STK39: variants seen among roughly 807,000 people sequenced by gnomAD.
The protein encoded by STK39 is STE20/SPS1-related proline-alanine-rich protein kinase.
In STK39, 20 loss-of-function variants were observed where a neutral mutation model predicts 77.8. The ratio of observed to expected loss-of-function variants is 0.26; its 90% CI spans 0.18 to 0.37. The LOEUF (loss-of-function observed/expected upper bound fraction) is 0.37. STK39 is among the 10% of genes least tolerant of loss of function. The pLI, the probability that STK39 is intolerant of heterozygous loss-of-function variation, is 1.00. For missense variants in STK39, 479 were observed against 656.5 expected (o/e 0.73, Z 2.95); for synonymous variants, 246 against 234.1 (o/e 1.05, Z -0.47).
chr2:168,246,465 C>T (rs1306615994), intron 1 of STK39, among the ~76,000 whole-genome samples: 1 of 152,248 alleles, frequency 6.6e-6, no homozygotes, highest in Non-Finnish European at 1.5e-5. Flanking sequence ...TTCACTCTTG[C>T]AGCTCGGCCT....
chr2:168,228,878 G>T (rs896914855), intron 1 of STK39, among the ~76,000 whole-genome samples: 6 of 152,048 alleles, frequency 3.9e-5, no homozygotes, highest in African/African-American at 7.2e-5. Context: ...CCTTACATGA[G>T]AAAGGAACTC....
At chr2:167,971,995 C>T (rs1274874807) in intron 16 of STK39, among the ~76,000 whole-genome samples, 1 of 152,234 alleles carries the variant, frequency 6.6e-6, no homozygotes, top group African/African-American at 2.4e-5. Flanking sequence ...CCATGCAACG[C>T]CTTGGGCAGC....
At chr2:168,065,250 A>G in intron 13 of STK39, 69 bp downstream of exon 13, 1 of 1,528,990 alleles carries the variant, frequency 6.5e-7, no homozygotes, top group Admixed American at 1.7e-5. Flanking sequence ...CTATCTTTCT[A>G]AAATGTTGGT....
chr2:168,037,188 C>A (rs1684978622), intron 14 of STK39, among the ~76,000 whole-genome samples: 1 of 152,164 alleles, frequency 6.6e-6, no homozygotes, highest in South Asian at 2.1e-4. Flanking sequence ...ACTTTGTCCA[C>A]CTGGGTATTT....
intron 16 of STK39, among the ~76,000 whole-genome samples, chr2:168,001,322 T>A (rs1430007602): frequency 1.3e-5 from 2 of 149,602 alleles, no homozygotes; most frequent in Middle Eastern, 3.2e-3. Flanking sequence ...CAAACGTTGA[T>A]GATACAATGG....
intron 12 of STK39, among the ~76,000 whole-genome samples, chr2:168,065,948 A>AC (rs1685782361): frequency 6.6e-6 from 1 of 152,136 alleles, no homozygotes; most frequent in Non-Finnish European, 1.5e-5. Context: ...CTCTAAGGTT[A>AC]CCCCCAAATT....
intron 17 of STK39, among the ~76,000 whole-genome samples, chr2:167,962,030 TAA>T (rs1186992318): frequency 6.6e-6 from 1 of 152,172 alleles, no homozygotes; most frequent in Non-Finnish European, 1.5e-5. Context: ...ATTAATTTTT[TAA>T]AGTGTCCCAG....
At chr2:168,240,687 T>C (rs1259744072) in intron 1 of STK39, among the ~76,000 whole-genome samples, 1 of 152,202 alleles carries the variant, frequency 6.6e-6, no homozygotes, top group Non-Finnish European at 1.5e-5. Flanking sequence ...AGTTTAACTG[T>C]ATGAAGTTCC....
intron 14 of STK39, among the ~76,000 whole-genome samples, chr2:168,049,733 TCCAGC>T (rs1329646366): frequency 2.0e-5 from 3 of 152,238 alleles, no homozygotes; most frequent in Non-Finnish European, 4.4e-5. Context: ...TAACTATGAC[TCCAGC>T]CACCAGCTGA....
At chr2:168,129,065 A>G (rs1687615389) in intron 10 of STK39, among the ~76,000 whole-genome samples, 1 of 152,232 alleles carries the variant, frequency 6.6e-6, no homozygotes, top group Admixed American at 6.5e-5. Flanking sequence ...TCATTACCAT[A>G]ATTCAGTTAA....
chr2:168,015,292 T>C (rs1684377415), intron 15 of STK39, among the ~76,000 whole-genome samples: 1 of 152,240 alleles, frequency 6.6e-6, no homozygotes, highest in Non-Finnish European at 1.5e-5. Flanking sequence ...TTTTGTGCCA[T>C]ATATATTTAT....
chr2:168,156,880 C>T (rs934508638), intron 5 of STK39, among the ~76,000 whole-genome samples: 1 of 152,192 alleles, frequency 6.6e-6, no homozygotes, highest in African/African-American at 2.4e-5. Flanking sequence ...CTGACTCCAG[C>T]GCTGCTCGGG....
chr2:168,247,486 A>G lies in STK39; in HGVS notation c.-51T>C. The G allele has an allele frequency of 4.8e-6, 6 of 1,257,376 alleles. No individual in the cohort carries two copies. Among genetic ancestry groups the G allele is most frequent in the Non-Finnish European group, 6.1e-6 (6 of 985,464 alleles). The allele number at this position is 1,257,376 out of a possible 1,614,324, so 77.9% of individuals were successfully genotyped here. A position where few individuals can be genotyped will look rare whatever the true frequency, so the allele number is the denominator to read the frequency against. ...CGCGCCGGCCGACGGACGACCTTCC[A>G]CTTGAAACTTCCTTTGCCTCGCCGC... is the stretch of plus-strand genomic sequence containing the variant. On this transcript the variant is annotated 5_prime_UTR_variant, in exon 1 of 18. Transcript: ENST00000355999.
chr2:168,061,871 TG>T (rs1685673743), intron 14 of STK39, among the ~76,000 whole-genome samples: 1 of 152,166 alleles, frequency 6.6e-6, no homozygotes, highest in Non-Finnish European at 1.5e-5. Context: ...CAGTAGTACG[TG>T]TTTTGACACA....
intron 16 of STK39, among the ~76,000 whole-genome samples, chr2:167,996,973 A>G (rs1203220965): frequency 6.6e-6 from 1 of 151,198 alleles, no homozygotes; most frequent in Non-Finnish European, 1.5e-5. Context: ...TACTGGAAGC[A>G]CGCAGAAAAC....
chr2:168,034,305 G>C (rs904118580), intron 14 of STK39, among the ~76,000 whole-genome samples: 4 of 152,200 alleles, frequency 2.6e-5, no homozygotes, highest in Admixed American at 2.0e-4. Flanking sequence ...AAGCCCATGA[G>C]AATCTGAGAA....
intron 5 of STK39, among the ~76,000 whole-genome samples, chr2:168,160,847 C>A (rs1038078025): frequency 6.7e-6 from 1 of 149,544 alleles, no homozygotes; most frequent in Middle Eastern, 3.2e-3. Flanking sequence ...AAGGTCCACT[C>A]ATGAGGACAA....
chr2:168,139,406 AT>A (rs1440626386), intron 7 of STK39, among the ~76,000 whole-genome samples: 1 of 66,462 alleles, frequency 1.5e-5, no homozygotes, highest in African/African-American at 7.7e-5. Flanking sequence ...GTTAAAAAAA[AT>A]TTATATATAT....
intron 1 of STK39, among the ~76,000 whole-genome samples, chr2:168,213,198 T>C (rs904332361): frequency 6.6e-6 from 1 of 152,182 alleles, no homozygotes; most frequent in African/African-American, 2.4e-5. Context: ...AACATAGCGC[T>C]GAATTTAGAA....
Sources: gnomAD v4.1 joint callset for allele counts (sites outside exome capture counted in the v4.1 genomes callset) on GRCh38, gnomAD v4.1.1 for gene constraint, MANE v1.5 for transcripts, NCBI Gene and HGNC (gene_info 2026-07-23, HGNC 2026-07-21) for gene names.